Variants in ASPM observed in about 807,000 individuals in gnomAD.
ASPM encodes abnormal spindle-like microcephaly-associated protein.
ASPM carries 256 observed loss-of-function variants against 366.4 expected under a neutral mutation model. The ratio of observed to expected loss-of-function variants is 0.70; its 90% CI spans 0.63 to 0.77. ASPM has a LOEUF of 0.77. Ranked by LOEUF, ASPM falls within the 30% of genes least tolerant of loss-of-function variation. ASPM has a pLI of 0.00. For synonymous variants in ASPM, 1,414 were observed against 1,342.9 expected (o/e 1.05, Z -1.16); for missense variants, 4,146 against 4,090.4 (o/e 1.01, Z -0.37).
chr1:197,123,167 G>C (rs1182286020), intron 13 of ASPM, among the ~76,000 whole-genome samples: 1 of 152,072 alleles, frequency 6.6e-6, no homozygotes, highest in Non-Finnish European at 1.5e-5. Flanking sequence ...CTTCTCCTAA[G>C]AACACTAGAC....
chr1:197,122,049 A>G lies in ASPM; in HGVS notation c.3742-6T>C. 6.2e-7 allele frequency: 1 copy of G among 1,611,232 alleles called. No individual in the cohort carries two copies. The highest frequency in any genetic ancestry group is 8.5e-7 in the Non-Finnish European group (1 of 1,178,082). ...GACAAATAGGTAATAACCACCTAAA[A>G]AAAACCCACAAAAGATAAAAACAGA... On this transcript the variant is annotated splice_region_variant and splice_polypyrimidine_tract_variant and intron_variant, in intron 15 of 27. Transcript: ENST00000367409.
At chr1:197,093,396 T>A in intron 20 of ASPM, 135 bp from the exon 21 acceptor site, 1 of 805,018 alleles carries the variant, frequency 1.2e-6, no homozygotes, top group Non-Finnish European at 2.1e-6. Context: ...TTCATAGATA[T>A]GAAATGATGA....
chr1:197,133,984 TAAGAA>T (rs1222606648), intron 5 of ASPM, among the ~76,000 whole-genome samples: 1 of 152,150 alleles, frequency 6.6e-6, no homozygotes, highest in African/African-American at 2.4e-5. Flanking sequence ...CATTTTCTTT[TAAGAA>T]AAGAACGAAA....
At chr1:197,121,766 C>T in intron 16 of ASPM, 149 bp downstream of exon 16, 1 of 975,874 alleles carries the variant, frequency 1.0e-6, no homozygotes, top group Non-Finnish European at 1.5e-6. Context: ...ATACTCATAC[C>T]TCCCCAACCC....
chr1:197,126,950 C>A (rs1658108453), intron 10 of ASPM, among the ~76,000 whole-genome samples: 1 of 152,154 alleles, frequency 6.6e-6, no homozygotes, highest in African/African-American at 2.4e-5. Context: ...AGTTTTTAAA[C>A]CAAACCCACA....
In ASPM at chr1:197,103,697, T is replaced by C. The variant is rs1216320495; in HGVS notation, c.5554A>G (p.Ile1852Val). Residue 1852 changes from isoleucine to valine, a missense_variant, in exon 18 of 28, where the codon ATA (isoleucine) becomes GTA (valine). This residue lies in a region of ASPM where 3,624 missense variants were observed against 3,591.7 expected (regional missense o/e 1.01). Coordinates refer to ENST00000367409, the MANE Select transcript of ASPM (RefSeq NM_018136.5). ...GCCCTGTACCATCTCTGAATCTTTA[T>C]TATAGATTGAAGCACAGATTGATAT... ...VKYQSVLQSI[I>V]KIQRWYRAYK... 1 of 1,612,920 alleles carries C rather than the reference T, an allele frequency of 6.2e-7. No individual in the cohort carries two copies. Among genetic ancestry groups the C allele is most frequent in the Admixed American group, 1.7e-5 (1 of 59,780 alleles).
Position 197,142,906 on chromosome 1 carries a change from G to C in ASPM, c.1346C>G (p.Ala449Gly). Residue 449 changes from alanine (A) to glycine (G), a missense_variant, in exon 3 of 28, where the codon GCT (alanine) becomes GGT (glycine). This residue lies in a region of ASPM where 3,624 missense variants were observed against 3,591.7 expected (regional missense o/e 1.01). Coordinates refer to ENST00000367409, the MANE Select transcript of ASPM (RefSeq NM_018136.5). ...CATTTCTACTAGTTCTTCAAAAATA[G>C]CTTTGGGAGATTTTGAACCCTGACA... ...PECQGSKSPK[A>G]IFEELVEMKS... 6.2e-7 allele frequency: 1 copy of C among 1,613,696 alleles called. No homozygotes were observed. The highest frequency in any genetic ancestry group is 8.5e-7 in the Non-Finnish European group (1 of 1,179,630).
chr1:197,085,684 CA>C (rs1488202145), intron 27 of ASPM, among the ~76,000 whole-genome samples: 3 of 152,064 alleles, frequency 2.0e-5, no homozygotes, highest in African/African-American at 7.2e-5. Context: ...ATATATGTGA[CA>C]GTATAGAAAT....
chr1:197,122,359 A>G (rs1657936620), intron 14 of ASPM, 29 bp downstream of exon 14: 2 of 1,613,484 alleles, frequency 1.2e-6, no homozygotes, highest in African/African-American at 2.7e-5. Context: ...CATGGCAAAA[A>G]ATTGGAAAAG....
chr1:197,100,222 A>G (rs1657107788), intron 18 of ASPM, among the ~76,000 whole-genome samples: 1 of 151,708 alleles, frequency 6.6e-6, no homozygotes, highest in Non-Finnish European at 1.5e-5. Context: ...TAGGGTGACC[A>G]TGGCCAGAAC....
At chr1:197,088,906 T>C (rs2151133) in intron 25 of ASPM, among the ~76,000 whole-genome samples, 115,856 of 151,964 alleles carry the variant, frequency 0.76, 48,462 homozygotes, top group East Asian at 0.98. Context: ...CATATGATGC[T>C]AGTAAGTCTA....
At chr1:197,119,776 A>T (rs1401073383) in intron 16 of ASPM, among the ~76,000 whole-genome samples, 2 of 152,250 alleles carry the variant, frequency 1.3e-5, no homozygotes, top group Non-Finnish European at 1.5e-5. Context: ...GAGAGCTGTA[A>T]TGTACCAGGG....
rs774446549 is a variant in ASPM at position 197,133,511 on chromosome 1, A to T, written c.2258T>A (p.Leu753His). The T allele has an allele frequency of 6.2e-7, 1 of 1,614,118 alleles. No individual in the cohort carries two copies. ...PRAPTKEEMS[L>H]RAYTARCRLN... ...CCTACACCGAGCAGTATAAGCTCTG[A>T]GAGACATTTCCTCTTTTGTAGGTGC... Residue 753 changes from leucine to histidine, a missense_variant, in exon 6 of 28, where the codon CTC (leucine) becomes CAC (histidine). Physicochemically the swap from Leu to His is moderately conservative, Grantham distance 99. This residue lies in a region of ASPM where 3,624 missense variants were observed against 3,591.7 expected (regional missense o/e 1.01). Coordinates refer to ENST00000367409, the MANE Select transcript of ASPM (RefSeq NM_018136.5).
chr1:197,127,737 G>A (rs1658132614), intron 10 of ASPM, among the ~76,000 whole-genome samples: 1 of 152,176 alleles, frequency 6.6e-6, no homozygotes, highest in African/African-American at 2.4e-5. Context: ...ATGAGTTTAT[G>A]TCTCAATTCC....
Position 197,104,910 on chromosome 1 carries a change from T to C in ASPM, c.4341A>G (p.Val1447=). ...RKMQSQVKAT[V]ILQRAFREWH... ...ATTCTCTAAAAGCTCTTTGCAATAT[T>C]ACTGTAGCTTTTACTTGTGATTGCA... The change falls in exon 18 of 28, where the codon GTA becomes GTG. Residue 1447 remains valine (V), a synonymous_variant. Coordinates refer to ENST00000367409, the MANE Select transcript of ASPM (RefSeq NM_018136.5). 1 of 1,611,978 alleles carries C rather than the reference T, an allele frequency of 6.2e-7. No homozygotes were observed. The highest frequency in any genetic ancestry group is 1.1e-5 in the South Asian group (1 of 90,772).
At chr1:197,133,638 T>C (rs1261595621) in intron 5 of ASPM, 43 bp from the exon 6 acceptor site, 1 of 1,590,916 alleles carries the variant, frequency 6.3e-7, no homozygotes, top group South Asian at 1.1e-5. Flanking sequence ...TTAAACAATA[T>C]CTCTACATAT....
intron 18 of ASPM, among the ~76,000 whole-genome samples, chr1:197,097,847 A>C (rs1657026930): frequency 1.3e-5 from 2 of 151,526 alleles, no homozygotes; most frequent in South Asian, 4.1e-4. Context: ...TGCTTGTGGC[A>C]GTTATAAGTT....
At position 197,103,565 on chromosome 1, in the gene ASPM, T is replaced by G. The variant is rs756580197; in HGVS notation, c.5686A>C (p.Arg1896=). The change falls in exon 18 of 28, where the codon AGG becomes CGG. Residue 1896 remains arginine (R), a synonymous_variant. Coordinates refer to ENST00000367409, the MANE Select transcript of ASPM (RefSeq NM_018136.5). ...RGWKVRKQIR[R]EHQAALKIQS... The stretch of plus-strand genomic sequence containing the variant: ...ATCTTCAAGGCAGCTTGATGTTCCC[T>G]TCTAATCTGTTTCCGAACCTTCCAG... 9.9e-6 allele frequency: 16 copies of G among 1,613,016 alleles called. No individual in the cohort carries two copies. In the South Asian group the frequency reaches 1.6e-4, roughly 17 times the overall value.
At position 197,141,392 on chromosome 1, in the gene ASPM, T is replaced by C. The variant is rs756946696; in HGVS notation, c.1921+939A>G. Among the ~76,000 whole-genome samples, 26 of 152,198 alleles carry C rather than the reference T, an allele frequency of 1.7e-4. 1 individual carries two copies. The highest frequency in any genetic ancestry group is 3.2e-4 in the Non-Finnish European group (22 of 68,016). Reference sequence around the variant, plus strand: ...TGCAAAGCCTAAAATGTTTACTATCTGGACCAGTAGAGGAACAGTTTGCTT... The same window carrying C: ...TGCAAAGCCTAAAATGTTTACTATCCGGACCAGTAGAGGAACAGTTTGCTT... On this transcript the variant is annotated intron_variant, in intron 3 of 27. Transcript: ENST00000367409.
Sources: allele counts gnomAD v4.1 joint callset (sites outside exome capture counted in the v4.1 genomes callset), GRCh38; gene constraint gnomAD v4.1.1; regional missense constraint gnomAD v4.1.1; transcripts MANE v1.5; gene names NCBI Gene and HGNC (gene_info 2026-07-23, HGNC 2026-07-21).